The following GRAMD1C variants were observed in gnomAD, a reference collection of about 807,000 sequenced individuals.
GRAMD1C encodes the protein GRAM domain containing 1C, also known as protein Aster-C.
A neutral mutation model predicts 97.8 loss-of-function variants in GRAMD1C; 89 were observed. That is an observed-to-expected ratio of 0.91 (90% CI 0.77 to 1.09). GRAMD1C has a LOEUF of 1.09. Among genes scored for constraint, GRAMD1C ranks in the 50% least tolerant of loss-of-function variants. The pLI, the probability that GRAMD1C is intolerant of heterozygous loss-of-function variation, is 0.00. For missense variants in GRAMD1C, 740 were observed against 766.4 expected, an observed-to-expected ratio of 0.97 and a Z score of 0.41; for synonymous variants, 256 against 267.0, an observed-to-expected ratio of 0.96 and a Z score of 0.40.
At chr3:113,943,216 A>G (rs1937890095) in intron 17 of GRAMD1C, among the ~76,000 whole-genome samples, 1 of 152,182 alleles carries the variant, frequency 6.6e-6, no homozygotes, top group African/African-American at 2.4e-5. Context: ...AAAAGAATGT[A>G]CCTTTTTTCA....
chr3:113,923,290 C>G (rs890197285), intron 10 of GRAMD1C, among the ~76,000 whole-genome samples: 2 of 152,154 alleles, frequency 1.3e-5, no homozygotes, highest in Non-Finnish European at 2.9e-5. Context: ...CTGGTTAGGA[C>G]TTCCAGTACT....
At chr3:113,932,666 G>C (rs72622382) in intron 11 of GRAMD1C, among the ~76,000 whole-genome samples, 18,889 of 152,132 alleles carry the variant, frequency 0.12, 1,382 homozygotes, top group East Asian at 0.28. Flanking sequence ...TAATTTGCCA[G>C]TGAAATAAAT....
At chr3:113,847,035 A>G (rs188765527) in intron 2 of GRAMD1C, among the ~76,000 whole-genome samples, 1 of 152,278 alleles carries the variant, frequency 6.6e-6, no homozygotes. Context: ...GAGATCCTCA[A>G]ATCTTCATTT....
At chr3:113,850,900 T>C (rs371087232) in intron 2 of GRAMD1C, among the ~76,000 whole-genome samples, 2 of 150,938 alleles carry the variant, frequency 1.3e-5, no homozygotes, top group Non-Finnish European at 2.9e-5. Flanking sequence ...TTCCCCGGGT[T>C]CACACCATTC....
Position 113,935,085 on chromosome 3 carries a change from A to C in GRAMD1C, c.1456+550A>C, listed in dbSNP as rs114097478. ...AATGCTTATTATATCCCAGACATAC[A>C]TAATAAAGTTCTATGTGCTTTACAG... On this transcript the variant is annotated intron_variant, in intron 13 of 17. Coordinates refer to ENST00000358160, the MANE Select transcript of GRAMD1C (RefSeq NM_017577.5). Among the ~76,000 whole-genome samples the C allele has an allele frequency of 3.0e-3, 463 of 152,322 alleles. 1 individual carries two copies. The highest frequency in any genetic ancestry group is 0.011 in the African/African-American group (444 of 41,588).
intron 1 of GRAMD1C, among the ~76,000 whole-genome samples, 179 bp from the exon 2 acceptor site, chr3:113,844,324 A>G (rs1013516106): frequency 1.3e-5 from 2 of 152,296 alleles, no homozygotes; most frequent in Non-Finnish European, 2.9e-5. Flanking sequence ...TTTAAAAAAA[A>G]TAAAAATAAA....
chr3:113,870,214 T>A (rs557322258), intron 3 of GRAMD1C, among the ~76,000 whole-genome samples: 1 of 151,108 alleles, frequency 6.6e-6, no homozygotes, highest in East Asian at 2.0e-4. Context: ...AAAAAAAAAA[T>A]TAGCCAGGTG....
At chr3:113,944,368 C>T (rs911322147) in intron 17 of GRAMD1C, among the ~76,000 whole-genome samples, 5 of 152,166 alleles carry the variant, frequency 3.3e-5, no homozygotes, top group Admixed American at 2.0e-4. Context: ...TCAGTTTGAA[C>T]GTGAATTTTG....
Position 113,934,513 on chromosome 3 carries a change from G to T in GRAMD1C, c.1434G>T (p.Leu478Phe). Residue 478 changes from leucine (L) to phenylalanine (F), a missense_variant, in exon 13 of 18, where the codon TTG becomes TTT. Coordinates refer to ENST00000358160, the MANE Select transcript of GRAMD1C (RefSeq NM_017577.5). ...TTGAAAAGAATTCCTGGAGTTCTTT[G>T]GAGGACTATTTCAAACAGCTTGGTT... ...SLIEKNSWSS[L>F]EDYFKQLESD... 6.4e-7 allele frequency: 1 copy of T among 1,551,272 alleles called. No homozygotes were observed. The highest frequency in any genetic ancestry group is 8.8e-7 in the Non-Finnish European group (1 of 1,131,342).
chr3:113,858,939 T>G (rs1402412754), intron 2 of GRAMD1C, among the ~76,000 whole-genome samples: 7 of 152,204 alleles, frequency 4.6e-5, no homozygotes, highest in Non-Finnish European at 1.0e-4. Context: ...GACCCTGTTT[T>G]ATTCCTGATA....
chr3:113,927,403 G>A (rs1488374804), intron 10 of GRAMD1C, among the ~76,000 whole-genome samples: 1 of 152,128 alleles, frequency 6.6e-6, no homozygotes, highest in African/African-American at 2.4e-5. Context: ...CAGGCCATAT[G>A]CTTGCCAGGT....
intron 10 of GRAMD1C, among the ~76,000 whole-genome samples, chr3:113,917,190 G>T (rs1936843560): frequency 6.8e-6 from 1 of 147,948 alleles, no homozygotes; most frequent in Non-Finnish European, 1.5e-5. Flanking sequence ...TATCCTAAAT[G>T]TTTTTGATAT....
At chr3:113,903,487 T>C (rs1328972253) in intron 7 of GRAMD1C, among the ~76,000 whole-genome samples, 1 of 152,228 alleles carries the variant, frequency 6.6e-6, no homozygotes, top group Non-Finnish European at 1.5e-5. Context: ...CTGTTGAGCA[T>C]TGGAAATTAG....
intron 1 of GRAMD1C, among the ~76,000 whole-genome samples, chr3:113,842,887 C>T (rs762206294): frequency 4.0e-5 from 6 of 151,332 alleles, no homozygotes; most frequent in East Asian, 3.9e-4. Flanking sequence ...CGCTTGAACC[C>T]GGGAGGTAGA....
chr3:113,928,782 G>C (rs78210772), intron 10 of GRAMD1C, among the ~76,000 whole-genome samples: 1 of 152,096 alleles, frequency 6.6e-6, no homozygotes, highest in Non-Finnish European at 1.5e-5. Flanking sequence ...GTTCATCCTC[G>C]TTGGGGCATG....
At chr3:113,882,417 ATAAAG>A (rs1195324325) in intron 5 of GRAMD1C, among the ~76,000 whole-genome samples, 1 of 152,190 alleles carries the variant, frequency 6.6e-6, no homozygotes, top group East Asian at 1.9e-4. Flanking sequence ...TCAGAATAAA[ATAAAG>A]TTTCATTTTT....
At chr3:113,835,122 G>T (rs1035193090), upstream of GRAMD1C, among the ~76,000 whole-genome samples, 3 of 151,794 alleles carry the variant, frequency 2.0e-5, no homozygotes, top group African/African-American at 7.3e-5. Flanking sequence ...CCTGATTGTG[G>T]TAAGCAGGGA....
intron 1 of GRAMD1C, among the ~76,000 whole-genome samples, chr3:113,829,770 G>A (rs995900931): frequency 6.6e-6 from 1 of 152,128 alleles, no homozygotes; most frequent in Non-Finnish European, 1.5e-5. Flanking sequence ...TATGTTCTGA[G>A]AAATGCGTCA....
chr3:113,872,597 G>GT (rs1934866533), intron 3 of GRAMD1C, among the ~76,000 whole-genome samples: 1 of 150,780 alleles, frequency 6.6e-6, no homozygotes, highest in African/African-American at 2.4e-5. Flanking sequence ...GTTTCTCCAT[G>GT]TTGGCCAGGC....
Sources: gnomAD v4.1 joint callset for allele counts (sites outside exome capture counted in the v4.1 genomes callset) on GRCh38, gnomAD v4.1.1 for gene constraint, MANE v1.5 for transcripts, NCBI Gene and HGNC (gene_info 2026-07-23, HGNC 2026-07-21) for gene names.